TLN2: variants seen among roughly 807,000 people sequenced by gnomAD.
TLN2 encodes the protein talin-2.
A neutral mutation model predicts 294.7 loss-of-function variants in TLN2; 118 were observed. That is an observed-to-expected ratio of 0.40 (90% CI 0.34 to 0.47). The LOEUF (loss-of-function observed/expected upper bound fraction) is 0.47, where lower values mean the gene tolerates loss of function less well. TLN2 is among the 20% of genes least tolerant of loss of function. The probability of loss-of-function intolerance (pLI) is 0.84; values close to 1 mark genes in which losing one functional copy is unlikely to be tolerated. For synonymous variants in TLN2, 1,431 were observed against 1,304.5 expected, an observed-to-expected ratio of 1.10 and a Z score of -2.09; for missense variants, 3,083 against 3,282.2, an observed-to-expected ratio of 0.94 and a Z score of 1.48.
intron 2 of TLN2, among the ~76,000 whole-genome samples, chr15:62,607,195 TTTC>T (rs1177900498): frequency 6.6e-6 from 1 of 152,174 alleles, no homozygotes; most frequent in Non-Finnish European, 1.5e-5. Flanking sequence ...AGACTTTCTC[TTTC>T]CTCTGGGGAA....
intron 1 of TLN2, among the ~76,000 whole-genome samples, chr15:62,408,510 C>T (rs1036630476): frequency 3.3e-5 from 5 of 152,230 alleles, no homozygotes; most frequent in African/African-American, 1.2e-4. Flanking sequence ...TTTGATACTA[C>T]AATGACCGTC....
At chr15:62,499,383 G>C (rs115294778) in intron 1 of TLN2, among the ~76,000 whole-genome samples, 1,732 of 152,282 alleles carry the variant, frequency 0.011, 31 homozygotes, top group African/African-American at 0.04. Context: ...CCAGGAGGCA[G>C]AGGTTGAGGT....
At chr15:62,527,228 GATC>G (rs147981497) in intron 1 of TLN2, among the ~76,000 whole-genome samples, 3,386 of 152,226 alleles carry the variant, frequency 0.022, 141 homozygotes, top group African/African-American at 0.077. Context: ...ACTCCTCAGG[GATC>G]ATTTTAGGTG....
intron 52 of TLN2, among the ~76,000 whole-genome samples, chr15:62,818,156 C>T (rs1332279368): frequency 6.6e-6 from 1 of 152,098 alleles, no homozygotes; most frequent in African/African-American, 2.4e-5. Context: ...ATTATCCCAG[C>T]TTTACAGATG....
chr15:62,600,812 T>A (rs2046932384), intron 2 of TLN2, among the ~76,000 whole-genome samples: 1 of 152,222 alleles, frequency 6.6e-6, no homozygotes, highest in South Asian at 2.1e-4. Flanking sequence ...ACCTCTTTAT[T>A]ATTTCCTGTC....
intron 8 of TLN2, 122 bp from the exon 9 acceptor site, chr15:62,657,649 G>A (rs978469299): frequency 3.0e-5 from 43 of 1,417,644 alleles, no homozygotes; most frequent in East Asian, 7.3e-5. Context: ...ACATGTCACC[G>A]TGGGTTGGCT....
chr15:62,657,937 T>G (rs1007598959), intron 9 of TLN2, 39 bp downstream of exon 9: 1 of 1,582,934 alleles, frequency 6.3e-7, no homozygotes, highest in African/African-American at 1.4e-5. Context: ...TCTTTTCTCC[T>G]GTCTTCTTTC....
At position 62,729,127 on chromosome 15, in the gene TLN2, T is replaced by C. The variant is rs537526156; in HGVS notation, c.3358+1938T>C. ...TTCCCAATGATCTTTAGTGTCACTCTGTTGTAACATAAGTGAACATGTATG... is the reference window on the plus strand; with the variant it reads ...TTCCCAATGATCTTTAGTGTCACTCCGTTGTAACATAAGTGAACATGTATG... On this transcript the variant is annotated intron_variant, in intron 28 of 58. Transcript: ENST00000636159. Among the ~76,000 whole-genome samples the C allele has an allele frequency of 2.6e-5, 4 of 152,372 alleles. No homozygotes were observed. The South Asian group carries it at 6.2e-4, about 24-fold the overall frequency.
chr15:62,796,426 A>G, intron 47 of TLN2, 133 bp downstream of exon 47: 1 of 1,105,376 alleles, frequency 9.0e-7, no homozygotes, highest in Non-Finnish European at 1.3e-6. Flanking sequence ...ACAAGTTGGG[A>G]AAGTGAACCA....
At chr15:62,391,118 C>T (rs2032043077) in intron 1 of TLN2, among the ~76,000 whole-genome samples, 1 of 152,224 alleles carries the variant, frequency 6.6e-6, no homozygotes, top group Admixed American at 6.5e-5. Flanking sequence ...CGGGCCCCCG[C>T]GCCAGAAGAG....
At chr15:62,697,183 C>T (rs2058402344) in intron 14 of TLN2, among the ~76,000 whole-genome samples, 1 of 152,202 alleles carries the variant, frequency 6.6e-6, no homozygotes, top group Non-Finnish European at 1.5e-5. Flanking sequence ...TCATAGCTCA[C>T]TGCAGCCTCA....
At chr15:62,603,570 A>G (rs866244644) in intron 2 of TLN2, among the ~76,000 whole-genome samples, 1 of 152,220 alleles carries the variant, frequency 6.6e-6, no homozygotes, top group Non-Finnish European at 1.5e-5. Context: ...ACAATTACAA[A>G]TAGCTTTGTG....
chr15:62,506,011 A>T (rs1274208176), intron 1 of TLN2, among the ~76,000 whole-genome samples: 1 of 152,218 alleles, frequency 6.6e-6, no homozygotes, highest in Non-Finnish European at 1.5e-5. Flanking sequence ...GAGAGCATTT[A>T]CTTTTTGGCA....
At chr15:62,698,965 T>G in intron 16 of TLN2, 98 bp downstream of exon 16, 97 of 1,156,636 alleles carry the variant, frequency 8.4e-5, no homozygotes, top group East Asian at 1.0e-4. Context: ...TTTCTATCTC[T>G]AGGTGAAATG....
chr15:62,715,695 T>C (rs1198709465), intron 22 of TLN2, among the ~76,000 whole-genome samples: 2 of 152,194 alleles, frequency 1.3e-5, no homozygotes, highest in African/African-American at 4.8e-5. Flanking sequence ...TGGACGGCAT[T>C]ACATTTCTCT....
chr15:62,833,671 G>A (rs375223503), intron 55 of TLN2, 42 bp downstream of exon 55: 49 of 1,597,732 alleles, frequency 3.1e-5, no homozygotes, highest in African/African-American at 8.1e-5. Flanking sequence ...CTCAACGTAC[G>A]AGAGCCTCAG....
At chr15:62,631,683 TTCTG>T (rs984297867) in intron 3 of TLN2, among the ~76,000 whole-genome samples, 27 of 136,070 alleles carry the variant, frequency 2.0e-4, no homozygotes, top group Non-Finnish European at 3.3e-4. Context: ...CCTCCTCTCT[TTCTG>T]TCTTTCTTTC....
intron 14 of TLN2, among the ~76,000 whole-genome samples, chr15:62,695,120 TGAG>T (rs1263552256): frequency 6.6e-6 from 1 of 152,208 alleles, no homozygotes; most frequent in Non-Finnish European, 1.5e-5. Context: ...CATTTATAGA[TGAG>T]GAGATAGGTT....
At chr15:62,743,495 T>C (rs965609075) in intron 32 of TLN2, among the ~76,000 whole-genome samples, 1 of 152,128 alleles carries the variant, frequency 6.6e-6, no homozygotes, top group Non-Finnish European at 1.5e-5. Flanking sequence ...ACCTATCCCC[T>C]TGGTTTTGGA....
Sources: gnomAD v4.1 joint callset for allele counts (sites outside exome capture counted in the v4.1 genomes callset) on GRCh38, gnomAD v4.1.1 for gene constraint, MANE v1.5 for transcripts, NCBI Gene and HGNC (gene_info 2026-07-23, HGNC 2026-07-21) for gene names.